Variants in PLA2G4D observed in about 807,000 individuals in gnomAD.
PLA2G4D encodes cytosolic phospholipase A2 delta.
PLA2G4D carries 80 observed loss-of-function variants against 94.4 expected under a neutral mutation model. That is an observed-to-expected ratio of 0.85 (90% CI 0.71 to 1.02). The LOEUF (loss-of-function observed/expected upper bound fraction) is 1.02. Ranked by LOEUF, PLA2G4D falls within the 50% of genes least tolerant of loss-of-function variation. The pLI is 0.00. For synonymous variants in PLA2G4D, 438 were observed against 440.9 expected, an observed-to-expected ratio of 0.99 and a Z score of 0.08; for missense variants, 1,050 against 1,034.7, an observed-to-expected ratio of 1.01 and a Z score of -0.20.
chr15:42,081,924 A>ATTT, intron 9 of PLA2G4D, 90 bp from the exon 10 acceptor site: 4 of 1,008,912 alleles, frequency 4.0e-6, no homozygotes, highest in Non-Finnish European at 5.6e-6. Context: ...CTTCATCTTC[A>ATTT]TTCTTTTTTT....
rs1026928647 is a variant in PLA2G4D at position 42,067,632 on chromosome 15, C to T, written c.*1083G>A. The T allele has an allele frequency of 6.6e-6, 1 of 151,668 alleles. No individual in the cohort carries two copies. The highest frequency in any genetic ancestry group is 2.4e-5 in the African/African-American group (1 of 41,298). 9.4% of individuals were successfully genotyped at this position (151,668 alleles called of 1,614,324 possible). On this transcript the variant is annotated 3_prime_UTR_variant, in exon 20 of 20. Coordinates refer to ENST00000290472, the MANE Select transcript of PLA2G4D (RefSeq NM_178034.4). The stretch of plus-strand genomic sequence containing the variant: ...ATACCATAATCAAATGGAAACTGCC[C>T]CAGGAATGCAAAGTTGGTTTAATAT...
At chr15:42,075,506 T>A (rs1294927079) in intron 13 of PLA2G4D, among the ~76,000 whole-genome samples, 1 of 152,214 alleles carries the variant, frequency 6.6e-6, no homozygotes, top group Non-Finnish European at 1.5e-5. Flanking sequence ...TTCTAGTAAT[T>A]AAGTTGGCTT....
At chr15:42,081,932 T>A (rs1595595482) in intron 9 of PLA2G4D, 98 bp from the exon 10 acceptor site, 18 of 1,313,866 alleles carry the variant, frequency 1.4e-5, no homozygotes, top group Non-Finnish European at 1.8e-5. Flanking sequence ...TCATTCTTTT[T>A]TTTTTTTTTT....
intron 1 of PLA2G4D, among the ~76,000 whole-genome samples, chr15:42,092,793 G>A (rs1056303376): frequency 1.6e-4 from 24 of 152,214 alleles, no homozygotes; most frequent in Admixed American, 4.6e-4. Context: ...GTGCTGCCCC[G>A]TGCCCATCTT....
At chr15:42,076,532 A>G (rs7166026) in intron 13 of PLA2G4D, among the ~76,000 whole-genome samples, 13,594 of 152,208 alleles carry the variant, frequency 0.089, 699 homozygotes, top group Middle Eastern at 0.13. Context: ...AACAATATGA[A>G]AAAGACAAAT....
chr15:42,080,942 C>CT, intron 12 of PLA2G4D, 55 bp downstream of exon 12: 1 of 1,583,752 alleles, frequency 6.3e-7, no homozygotes, highest in Non-Finnish European at 8.6e-7. Flanking sequence ...GGTGCCCACT[C>CT]TGCCCCGCTA....
At chr15:42,082,817 T>C (rs943307625) in intron 8 of PLA2G4D, among the ~76,000 whole-genome samples, 1 of 152,002 alleles carries the variant, frequency 6.6e-6, no homozygotes, top group Non-Finnish European at 1.5e-5. Context: ...AGGAGAGCAC[T>C]TGGCATATTG....
chr15:42,077,778 T>C (rs2141096477), intron 13 of PLA2G4D, among the ~76,000 whole-genome samples: 1 of 152,352 alleles, frequency 6.6e-6, no homozygotes, highest in East Asian at 1.9e-4. Context: ...CCTACGCCCA[T>C]AACATAAGCA....
rs768233595 is a variant in PLA2G4D, at chr15:42,083,243, G to C, written c.627C>G (p.Phe209Leu). 1 of 1,614,156 alleles carries C rather than the reference G, an allele frequency of 6.2e-7. No homozygotes were observed. The highest frequency in any genetic ancestry group is 8.5e-7 in the Non-Finnish European group (1 of 1,180,008). ...SFLGTASAFR[F>L]HYMAALETEL... Reference sequence around the variant, plus strand: ...CTGTCTCTAGGGCTGCCATGTAGTGGAAGCGGAAGGCAGAGGCTGTGCCCA... The same window carrying C: ...CTGTCTCTAGGGCTGCCATGTAGTGCAAGCGGAAGGCAGAGGCTGTGCCCA... Residue 209 changes from phenylalanine to leucine, a missense_variant, in exon 8 of 20, where the codon TTC (phenylalanine) becomes TTG (leucine). Phe to Leu is a conservative substitution (Grantham distance 22). Coordinates refer to ENST00000290472, the MANE Select transcript of PLA2G4D (RefSeq NM_178034.4).
chr15:42,085,150 A>C lies in PLA2G4D; in HGVS notation c.429-12T>G. ...CTGGGCGATCTGACCTGGAAAAATC[A>C]AACCATGCAAAGGCAAACGCTTCCT... On this transcript the variant is annotated splice_polypyrimidine_tract_variant and intron_variant, in intron 5 of 19. Coordinates refer to ENST00000290472, the MANE Select transcript of PLA2G4D (RefSeq NM_178034.4). 1.2e-6 allele frequency: 2 copies of C among 1,614,182 alleles called. No individual in the cohort carries two copies. The highest frequency in any genetic ancestry group is 1.7e-6 in the Non-Finnish European group (2 of 1,180,036).
chr15:42,079,793 C>G lies in PLA2G4D; in HGVS notation c.1095-34G>C, dbSNP rs541133267. The G allele has an allele frequency of 1.2e-5, 19 of 1,579,650 alleles. No individual in the cohort carries two copies. The African/African-American group carries it at 2.5e-4, about 21-fold the overall frequency. On this transcript the variant is annotated intron_variant, in intron 12 of 19. Transcript: ENST00000290472. The stretch of plus-strand genomic sequence containing the variant: ...ACGAGGGGACAGAACAGTAGGAGCC[C>G]GAGGCCCAGCATGGGGCGCTGCAAC...
rs1889804314 is a variant in PLA2G4D, at chr15:42,071,160, C to G, written c.1839G>C (p.Gln613His). 2 of 1,612,860 alleles carry G rather than the reference C, an allele frequency of 1.2e-6. No individual in the cohort carries two copies. The highest frequency in any genetic ancestry group is 2.7e-5 in the African/African-American group (2 of 74,802). The change falls in exon 17 of 20, where the codon CAG (glutamine) becomes CAC (histidine). Residue 613 changes from glutamine to histidine, a missense_variant. Coordinates refer to ENST00000290472, the MANE Select transcript of PLA2G4D (RefSeq NM_178034.4). ...PNFLQGLQLHQDYCSHKDFST... is the reference protein window; with the variant it reads ...PNFLQGLQLHHDYCSHKDFST... ...AGAAGTCTTTGTGGCTACAGTAGTC[C>G]TGGTGCAGCTGGAGGCCCTGGAGGA...
chr15:42,093,079 T>C (rs1489061532), intron 1 of PLA2G4D, among the ~76,000 whole-genome samples: 3 of 152,128 alleles, frequency 2.0e-5, no homozygotes, highest in African/African-American at 2.4e-5. Flanking sequence ...AGGTCCCGGA[T>C]GGCCAGCCTA....
chr15:42,093,940 G>A (rs554198949), intron 1 of PLA2G4D, among the ~76,000 whole-genome samples: 32 of 152,286 alleles, frequency 2.1e-4, no homozygotes, highest in African/African-American at 7.5e-4. Flanking sequence ...AAGTTTGCAG[G>A]CCTCCTTGGC....
At chr15:42,091,473 C>T (rs533279656) in intron 1 of PLA2G4D, among the ~76,000 whole-genome samples, 15 of 152,340 alleles carry the variant, frequency 9.8e-5, no homozygotes, top group African/African-American at 2.9e-4. Flanking sequence ...CTTGGTCTAG[C>T]GGTGACGCCA....
rs769556513 is a variant in PLA2G4D at position 42,080,991 on chromosome 15, C to T, written c.1094+6G>A. 3 of 1,613,228 alleles carry T rather than the reference C, an allele frequency of 1.9e-6. No homozygotes were observed. The highest frequency in any genetic ancestry group is 2.5e-6 in the Non-Finnish European group (3 of 1,179,484). ...TCTCTGCCACCCAGTCCCCCAGGAT[C>T]CTCACCACGTAGAGCCAGAGATGCC... On this transcript the variant is annotated splice_donor_region_variant and intron_variant, in intron 12 of 19. Transcript: ENST00000290472.
chr15:42,085,565 C>T lies in PLA2G4D; in HGVS notation c.388-34G>A, dbSNP rs375349479. Reference sequence around the variant, plus strand: ...AGAGAGCATGAGCAAGTCATCAGCACATACCTGTGTCTTCAGAGTTGACAC... The same window carrying T: ...AGAGAGCATGAGCAAGTCATCAGCATATACCTGTGTCTTCAGAGTTGACAC... On this transcript the variant is annotated intron_variant, in intron 4 of 19. Transcript: ENST00000290472. The T allele has an allele frequency of 1.4e-5, 22 of 1,605,988 alleles. No homozygotes were observed. The African/African-American group carries it at 2.3e-4, about 17-fold the overall frequency.
chr15:42,079,451 C>T lies in PLA2G4D; in HGVS notation c.1317+86G>A, dbSNP rs1595593858. On this transcript the variant is annotated intron_variant, in intron 13 of 19. Coordinates refer to ENST00000290472, the MANE Select transcript of PLA2G4D (RefSeq NM_178034.4). ...TGGCTCTTCCACGCTGCAAGAAATA[C>T]GCACGCGCATGTCAGCCGCTTGGGA... The T allele has an allele frequency of 1.6e-5, 21 of 1,310,906 alleles. No individual in the cohort carries two copies. The East Asian group carries it at 3.7e-4, about 23-fold the overall frequency. 81.2% of individuals were successfully genotyped at this position (1,310,906 alleles called of 1,614,324 possible). A position where few individuals can be genotyped will look rare whatever the true frequency, so the allele number is the denominator to read the frequency against.
At chr15:42,088,878 A>AC (rs1434639539) in intron 1 of PLA2G4D, among the ~76,000 whole-genome samples, 1 of 151,946 alleles carries the variant, frequency 6.6e-6, no homozygotes, top group Non-Finnish European at 1.5e-5. Flanking sequence ...GCATGGCAGG[A>AC]CCCCCAGGAG....
Sources: gnomAD v4.1 joint callset for allele counts (sites outside exome capture counted in the v4.1 genomes callset) on GRCh38, gnomAD v4.1.1 for gene constraint, MANE v1.5 for transcripts, NCBI Gene and HGNC (gene_info 2026-07-23, HGNC 2026-07-21) for gene names.